Variants in PRKG1 observed in about 807,000 individuals in gnomAD.
PRKG1 encodes the protein cGMP-dependent protein kinase 1.
In PRKG1, 35 loss-of-function variants were observed where a neutral mutation model predicts 88.1. The observed-to-expected ratio is 0.40, with a 90% CI of 0.30 to 0.53. The LOEUF (loss-of-function observed/expected upper bound fraction) is 0.53. Among genes scored for constraint, PRKG1 ranks in the 20% least tolerant of loss-of-function variants. The pLI is 0.59. For synonymous variants in PRKG1, 303 were observed against 292.5 expected (o/e 1.04, Z -0.37); for missense variants, 540 against 839.8 (o/e 0.64, Z 4.41).
chr10:52,198,500 A>C (rs1011984725), intron 9 of PRKG1, among the ~76,000 whole-genome samples: 1 of 152,208 alleles, frequency 6.6e-6, no homozygotes, highest in African/African-American at 2.4e-5. Flanking sequence ...AATCAGGAAA[A>C]ACTATAATAA....
At chr10:52,263,868 G>T (rs1225553506) in intron 10 of PRKG1, among the ~76,000 whole-genome samples, 3 of 152,006 alleles carry the variant, frequency 2.0e-5, no homozygotes, top group African/African-American at 7.2e-5. Flanking sequence ...ACCATACCTG[G>T]CCTGTCATCT....
At chr10:51,392,039 G>A (rs1837417222) in intron 2 of PRKG1, among the ~76,000 whole-genome samples, 1 of 152,156 alleles carries the variant, frequency 6.6e-6, no homozygotes. Flanking sequence ...AAATCCCACA[G>A]AAATCAGAGG....
chr10:51,902,650 G>A (rs1842004686), intron 4 of PRKG1, among the ~76,000 whole-genome samples: 1 of 152,242 alleles, frequency 6.6e-6, no homozygotes, highest in Non-Finnish European at 1.5e-5. Context: ...TATAGCAGGT[G>A]TAATGACTAG....
chr10:50,992,360 G>T (rs766357529), intron 1 of PRKG1, among the ~76,000 whole-genome samples: 2 of 152,192 alleles, frequency 1.3e-5, no homozygotes, highest in Non-Finnish European at 2.9e-5. Flanking sequence ...TCTTTGCTCT[G>T]ATTGTGCCTC....
intron 4 of PRKG1, among the ~76,000 whole-genome samples, chr10:51,860,596 A>ATTAGAG (rs1840848917): frequency 2.0e-5 from 3 of 152,234 alleles, no homozygotes; most frequent in Non-Finnish European, 4.4e-5. Flanking sequence ...TGGTTACACC[A>ATTAGAG]GCAGTACTGC....
chr10:51,509,263 T>C (rs1841320947), intron 3 of PRKG1, among the ~76,000 whole-genome samples: 1 of 152,200 alleles, frequency 6.6e-6, no homozygotes, highest in Admixed American at 6.5e-5. Context: ...AGTAACTAAA[T>C]GCTTTAGAAA....
intron 5 of PRKG1, among the ~76,000 whole-genome samples, chr10:51,984,498 T>C (rs1021743025): frequency 6.6e-6 from 1 of 152,208 alleles, no homozygotes; most frequent in African/African-American, 2.4e-5. Context: ...TATGCACAAT[T>C]GTAAGTAGCT....
chr10:51,469,329 T>C (rs2132818358), intron 3 of PRKG1, among the ~76,000 whole-genome samples: 1 of 151,976 alleles, frequency 6.6e-6, no homozygotes, highest in South Asian at 2.1e-4. Flanking sequence ...AATTTTTAAA[T>C]ATTTCAGGCT....
chr10:51,343,344 T>C (rs1377243478), intron 2 of PRKG1, among the ~76,000 whole-genome samples: 4 of 152,176 alleles, frequency 2.6e-5, no homozygotes, highest in African/African-American at 7.2e-5. Context: ...AGATTATCTT[T>C]CACCGCTCTC....
At chr10:51,956,757 A>G (rs553313828) in intron 5 of PRKG1, among the ~76,000 whole-genome samples, 2 of 151,020 alleles carry the variant, frequency 1.3e-5, no homozygotes, top group Non-Finnish European at 3.0e-5. Flanking sequence ...AAGTTTCCCC[A>G]CTCATATTCA....
chr10:51,782,391 A>G (rs997490449), intron 3 of PRKG1, among the ~76,000 whole-genome samples: 1 of 152,124 alleles, frequency 6.6e-6, no homozygotes, highest in Non-Finnish European at 1.5e-5. Context: ...GTATACAGGT[A>G]ATGTTTATTT....
chr10:51,858,752 C>G (rs1840786237), intron 4 of PRKG1, among the ~76,000 whole-genome samples: 1 of 151,792 alleles, frequency 6.6e-6, no homozygotes, highest in Non-Finnish European at 1.5e-5. Context: ...GGCCTTCTTA[C>G]TCTCAAAATG....
intron 3 of PRKG1, among the ~76,000 whole-genome samples, chr10:51,795,065 C>T (rs1324449182): frequency 3.3e-5 from 5 of 152,222 alleles, no homozygotes; most frequent in East Asian, 1.9e-4. Context: ...TCATTATCCA[C>T]TTGGTCCTTC....
At chr10:52,042,548 C>A (rs993878831) in intron 5 of PRKG1, among the ~76,000 whole-genome samples, 2 of 152,126 alleles carry the variant, frequency 1.3e-5, no homozygotes, top group African/African-American at 4.8e-5. Context: ...AGATCCCTAT[C>A]TCTCACCATA....
intron 5 of PRKG1, among the ~76,000 whole-genome samples, chr10:51,931,445 T>C (rs746459816): frequency 3.8e-4 from 57 of 151,922 alleles, no homozygotes; most frequent in Non-Finnish European, 6.2e-4. Context: ...GAGACCCCCA[T>C]CGCTATAAAG....
At chr10:51,700,180 A>G (rs753729678) in intron 3 of PRKG1, among the ~76,000 whole-genome samples, 3 of 152,226 alleles carry the variant, frequency 2.0e-5, no homozygotes, top group Non-Finnish European at 4.4e-5. Context: ...CTGACAAGAA[A>G]TATAAACTGA....
At chr10:51,375,230 T>C (rs1408689717) in intron 2 of PRKG1, among the ~76,000 whole-genome samples, 1 of 151,744 alleles carries the variant, frequency 6.6e-6, no homozygotes, top group Non-Finnish European at 1.5e-5. Flanking sequence ...TGTATATGCA[T>C]TGGAGTCTTC....
At chr10:51,236,097 TAAG>T in intron 2 of PRKG1, among the ~76,000 whole-genome samples, 1 of 152,186 alleles carries the variant, frequency 6.6e-6, no homozygotes, top group Non-Finnish European at 1.5e-5. Context: ...ACCACTGTTC[TAAG>T]AATAAGAACA....
chr10:51,193,482 A>G (rs1194239177), intron 2 of PRKG1, among the ~76,000 whole-genome samples: 1 of 152,016 alleles, frequency 6.6e-6, no homozygotes, highest in Non-Finnish European at 1.5e-5. Flanking sequence ...AAACTACATT[A>G]TTTGCATTTT....
Sources: allele counts gnomAD v4.1 joint callset (sites outside exome capture counted in the v4.1 genomes callset), GRCh38; gene constraint gnomAD v4.1.1; transcripts MANE v1.5; gene names NCBI Gene and HGNC (gene_info 2026-07-23, HGNC 2026-07-21).